Variants in CYP27A1 observed in about 807,000 individuals in gnomAD.
CYP27A1 encodes cytochrome P450 family 27 subfamily A member 1.
Under a neutral mutation model 58.2 loss-of-function variants are expected in CYP27A1, and 46 were observed. The observed-to-expected ratio is 0.79, with a 90% CI of 0.62 to 1.01. CYP27A1 has a LOEUF of 1.01. Ranked by LOEUF, CYP27A1 falls within the 50% of genes least tolerant of loss-of-function variation. CYP27A1 has a pLI of 0.00. For synonymous variants in CYP27A1, 274 were observed against 285.1 expected, an observed-to-expected ratio of 0.96 and a Z score of 0.39; for missense variants, 704 against 687.0, an observed-to-expected ratio of 1.02 and a Z score of -0.28.
intron 1 of CYP27A1, 135 bp from the exon 2 acceptor site, chr2:218,809,442 C>CTTTTTTTTTTTTTTT: frequency 2.7e-6 from 1 of 369,560 alleles, no homozygotes; most frequent in South Asian, 2.0e-5. Flanking sequence ...ACACAATGCC[C>CTTTTTTTTTTTTTTT]TTTTTTTTTT....
intron 1 of CYP27A1, among the ~76,000 whole-genome samples, chr2:218,792,525 A>G (rs1378097398): frequency 6.6e-6 from 1 of 152,216 alleles, no homozygotes; most frequent in Non-Finnish European, 1.5e-5. Context: ...AAATAATTCA[A>G]GAGTGCTTCT....
At position 218,782,201 on chromosome 2, in the gene CYP27A1, GC is replaced by G. The variant is rs1325993773; in HGVS notation, c.20del (p.Ala7GlyfsTer3). On this transcript the variant is annotated frameshift_variant, in exon 1 of 9. Coordinates refer to ENST00000258415, the MANE Select transcript of CYP27A1 (RefSeq NM_000784.4). LOFTEE classifies it high-confidence loss of function. This position sits in a 1 kb window ranked among gnomAD's most constrained non-coding sequence, Gnocchi z 4.1. ...ACAACCCATGGCTGCGCTGGGCTGCGCGAGGCTGAGGTGGGCGCTGCGAGGG... is the reference window on the plus strand; with the variant it reads ...ACAACCCATGGCTGCGCTGGGCTGCGGAGGCTGAGGTGGGCGCTGCGAGGG... MAALGC[A>X]RLRWALRGAG... 1.3e-6 allele frequency: 2 copies of G among 1,538,090 alleles called. No homozygotes were observed. Among genetic ancestry groups the G allele is most frequent in the Non-Finnish European group, 1.7e-6 (2 of 1,146,058 alleles).
chr2:218,815,120 G>T lies in CYP27A1; in HGVS notation c.*90G>T. 6.5e-7 allele frequency: 1 copy of T among 1,543,052 alleles called. No individual in the cohort carries two copies. The highest frequency in any genetic ancestry group is 8.9e-7 in the Non-Finnish European group (1 of 1,121,334). On this transcript the variant is annotated 3_prime_UTR_variant, in exon 9 of 9. Coordinates refer to ENST00000258415, the MANE Select transcript of CYP27A1 (RefSeq NM_000784.4). The stretch of plus-strand genomic sequence containing the variant: ...TGCTGCCATGTCTCAGATGAGGAGG[G>T]AGAGAAGGAGGCCGCCAGACTCGAG...
chr2:218,795,711 T>C (rs994248034), intron 1 of CYP27A1, among the ~76,000 whole-genome samples: 2 of 152,224 alleles, frequency 1.3e-5, no homozygotes, highest in African/African-American at 4.8e-5. Flanking sequence ...GAACAATGAA[T>C]GAGTTTAGAA....
chr2:218,783,336 G>GA (rs1943413814), intron 1 of CYP27A1, among the ~76,000 whole-genome samples: 7 of 151,718 alleles, frequency 4.6e-5, no homozygotes, highest in Admixed American at 4.6e-4. Flanking sequence ...TGTTGGGGGA[G>GA]AAAACCAATG....
At chr2:218,790,024 T>G (rs1463766749) in intron 1 of CYP27A1, among the ~76,000 whole-genome samples, 5 of 152,200 alleles carry the variant, frequency 3.3e-5, no homozygotes, top group African/African-American at 1.2e-4. Flanking sequence ...TCTATTTTGG[T>G]TTGGTGTGGT....
At chr2:218,810,809 C>T (rs1318402180) in intron 2 of CYP27A1, among the ~76,000 whole-genome samples, 1 of 151,982 alleles carries the variant, frequency 6.6e-6, no homozygotes, top group Non-Finnish European at 1.5e-5. Flanking sequence ...ATAAAGGCAG[C>T]TCCTGGGGTG....
chr2:218,813,971 G>A lies in CYP27A1; in HGVS notation c.1018-50G>A, dbSNP rs1406160143. On this transcript the variant is annotated intron_variant, in intron 5 of 8. Coordinates refer to ENST00000258415, the MANE Select transcript of CYP27A1 (RefSeq NM_000784.4). ...CCACTCATACACCCTCCCATTACTG[G>A]CCTCTTTCCTAGAAATCGCCCTCAC... The A allele has an allele frequency of 2.5e-6, 4 of 1,607,278 alleles. No homozygotes were observed. In the South Asian group the frequency reaches 3.3e-5, roughly 13 times the overall value.
intron 1 of CYP27A1, among the ~76,000 whole-genome samples, chr2:218,801,190 G>A (rs560123509): frequency 3.3e-5 from 5 of 152,244 alleles, no homozygotes; most frequent in Admixed American, 2.0e-4. Context: ...AGTTTTGCAT[G>A]ACAAAGGGCA....
intron 1 of CYP27A1, among the ~76,000 whole-genome samples, chr2:218,808,165 A>G (rs1943670636): frequency 6.6e-6 from 1 of 152,178 alleles, no homozygotes; most frequent in African/African-American, 2.4e-5. Context: ...GTAAATATTA[A>G]CAAATCGTCC....
rs775546941 is a variant in CYP27A1, at chr2:218,814,468, G to A, written c.1263+10G>A. The A allele has an allele frequency of 2.5e-6, 4 of 1,614,088 alleles. No homozygotes were observed. Among genetic ancestry groups the A allele is most frequent in the Non-Finnish European group, 3.4e-6 (4 of 1,180,012 alleles). On this transcript the variant is annotated intron_variant, in intron 7 of 8. Coordinates refer to ENST00000258415, the MANE Select transcript of CYP27A1 (RefSeq NM_000784.4). ...CCTCTTCCCCAAGAACGTGAGTGGG[G>A]CTAGAGAGCCCGATTGCCCAGGAGT...
At chr2:218,784,936 A>C (rs185692286) in intron 1 of CYP27A1, among the ~76,000 whole-genome samples, 2 of 152,238 alleles carry the variant, frequency 1.3e-5, no homozygotes, top group African/African-American at 4.8e-5. Context: ...GTTTTGTGGA[A>C]GACAATTTTT....
chr2:218,783,828 C>T (rs538579232), intron 1 of CYP27A1, among the ~76,000 whole-genome samples: 2 of 152,008 alleles, frequency 1.3e-5, no homozygotes, highest in Non-Finnish European at 2.9e-5. Context: ...GGGAAGGAGT[C>T]AAAAGTAAGG....
At chr2:218,797,691 A>G (rs762213559) in intron 1 of CYP27A1, among the ~76,000 whole-genome samples, 2 of 152,244 alleles carry the variant, frequency 1.3e-5, no homozygotes, top group African/African-American at 2.4e-5. Context: ...AGAATTCCAG[A>G]TTATCATAAA....
chr2:218,814,545 A>G lies in CYP27A1; in HGVS notation c.1264A>G (p.Thr422Ala), dbSNP rs1202576751. Residue 422 changes from threonine (T) to alanine (A), a missense_variant and splice_region_variant, in exon 8 of 9, where the codon ACC becomes GCC. Thr to Ala is a moderately conservative substitution (Grantham distance 58, BLOSUM62 0). Coordinates refer to ENST00000258415, the MANE Select transcript of CYP27A1 (RefSeq NM_000784.4). ...CATGCTGCCCAATCTTCCTTTATAGACCCAGTTTGTGTTCTGCCACTATGT... is the reference window on the plus strand; with the variant it reads ...CATGCTGCCCAATCTTCCTTTATAGGCCCAGTTTGTGTTCTGCCACTATGT... ...EVDGFLFPKNTQFVFCHYVVS... is the reference protein window; with the variant it reads ...EVDGFLFPKNAQFVFCHYVVS... 6.2e-7 allele frequency: 1 copy of G among 1,614,012 alleles called. No homozygotes were observed. The highest frequency in any genetic ancestry group is 1.1e-5 in the South Asian group (1 of 91,066).
At position 218,809,441 on chromosome 2, in the gene CYP27A1, C is replaced by CGT. The variant is rs1943686107; in HGVS notation, c.256-136_256-135insGT. ...CTGGTGCCTACATCATACACAATGC[C>CGT]CTTTTTTTTTTTTTTTTTTTTTTGC... On this transcript the variant is annotated intron_variant, in intron 1 of 8. Coordinates refer to ENST00000258415, the MANE Select transcript of CYP27A1 (RefSeq NM_000784.4). 7.5e-6 allele frequency: 5 copies of CGT among 662,270 alleles called. No individual in the cohort carries two copies. In the Admixed American group the frequency reaches 1.4e-4, roughly 18 times the overall value. 41.0% of individuals were successfully genotyped at this position (662,270 alleles called of 1,614,324 possible). A position where few individuals can be genotyped will look rare whatever the true frequency, so the allele number is the denominator to read the frequency against.
At chr2:218,802,645 C>A (rs1278645626) in intron 1 of CYP27A1, among the ~76,000 whole-genome samples, 1 of 152,182 alleles carries the variant, frequency 6.6e-6, no homozygotes, top group Non-Finnish European at 1.5e-5. Context: ...CCGATGTTTT[C>A]TTCGGAGGGC....
intron 1 of CYP27A1, among the ~76,000 whole-genome samples, chr2:218,802,183 G>A (rs1316804959): frequency 6.6e-6 from 1 of 152,044 alleles, no homozygotes; most frequent in African/African-American, 2.4e-5. Flanking sequence ...CTAGCCAATA[G>A]GGGAACGACA....
At position 218,813,000 on chromosome 2, in the gene CYP27A1, G is replaced by A. The variant is rs147975335; in HGVS notation, c.921G>A (p.Val307=). ...CAGCAGGGCCAGATGGCATCCAGGT[G>A]TCTGGCTACCTGCACTTCTTACTGG... ...LQAAGPDGIQ[V]SGYLHFLLAS... The change falls in exon 5 of 9, where the codon GTG becomes GTA. Residue 307 remains valine (V), a synonymous_variant. Coordinates refer to ENST00000258415, the MANE Select transcript of CYP27A1 (RefSeq NM_000784.4). 9.1e-4 allele frequency: 1,465 copies of A among 1,614,230 alleles called. 9 individuals are homozygous for A. The African/African-American group carries it at 0.017, about 19-fold the overall frequency.
Sources: allele counts gnomAD v4.1 joint callset (sites outside exome capture counted in the v4.1 genomes callset), GRCh38; gene constraint gnomAD v4.1.1; non-coding constraint Gnocchi (gnomAD v3.1); transcripts MANE v1.5; gene names NCBI Gene and HGNC (gene_info 2026-07-23, HGNC 2026-07-21).